The following RCBTB1 variants were observed in gnomAD, a reference collection of about 807,000 sequenced individuals.
The protein encoded by RCBTB1 is RCC1 and BTB domain containing protein 1.
Under a neutral mutation model 62.4 loss-of-function variants are expected in RCBTB1, and 46 were observed. That is an observed-to-expected ratio of 0.74 (90% CI 0.58 to 0.94). RCBTB1 has a LOEUF of 0.94. Ranked by LOEUF, RCBTB1 falls within the 40% of genes least tolerant of loss-of-function variation. RCBTB1 has a pLI of 0.00. For synonymous variants in RCBTB1, 222 were observed against 245.8 expected (o/e 0.90, Z 0.91); for missense variants, 565 against 654.9 (o/e 0.86, Z 1.50).
Position 49,537,581 on chromosome 13 carries a change from T to C in RCBTB1, c.1455+3295A>G, listed in dbSNP as rs573658009. ...GATATAAGTTGCTTAGCACACAGGA[T>C]TTCTGGAAAGTTCTCTACTCTGGTT... On this transcript the variant is annotated intron_variant, in intron 12 of 12. Transcript: ENST00000378302. 2.6e-5 allele frequency among the ~76,000 whole-genome samples: 4 copies of C among 152,352 alleles called. No individual in the cohort carries two copies. The South Asian group carries it at 8.3e-4, about 32-fold the overall frequency.
chr13:49,563,355 C>CAAAAAAAA (rs57586924), intron 4 of RCBTB1, among the ~76,000 whole-genome samples: 1 of 52,212 alleles, frequency 1.9e-5, no homozygotes, highest in Admixed American at 3.0e-4. Context: ...GACCCTGCCT[C>CAAAAAAAA]AAAAAAAAAA....
intron 7 of RCBTB1, 24 bp downstream of exon 7, chr13:49,552,154 T>A (rs1295041214): frequency 6.9e-7 from 1 of 1,456,674 alleles, no homozygotes. Context: ...GGGAAGCCAC[T>A]AACTGAGAGT....
At chr13:49,577,227 G>A (rs1963842699) in intron 2 of RCBTB1, among the ~76,000 whole-genome samples, 1 of 152,170 alleles carries the variant, frequency 6.6e-6, no homozygotes, top group South Asian at 2.1e-4. Flanking sequence ...GAGTAATGTA[G>A]CAACTAATCT....
At chr13:49,567,611 A>G (rs1478298715) in intron 2 of RCBTB1, among the ~76,000 whole-genome samples, 1 of 151,974 alleles carries the variant, frequency 6.6e-6, no homozygotes, top group African/African-American at 2.4e-5. Flanking sequence ...CTCTTCTTAG[A>G]CCTCTAAAAA....
intron 3 of RCBTB1, 109 bp downstream of exon 3, chr13:49,567,045 A>G: frequency 9.6e-7 from 1 of 1,040,606 alleles, no homozygotes; most frequent in Non-Finnish European, 1.4e-6. Context: ...CCTGAACTTC[A>G]GGATCTCTTT....
At chr13:49,565,622 CAG>C (rs1400460069) in intron 4 of RCBTB1, among the ~76,000 whole-genome samples, 7 of 141,508 alleles carry the variant, frequency 4.9e-5, no homozygotes, top group African/African-American at 8.6e-5. Flanking sequence ...CGCCTCTGCC[CAG>C]CCCCGACCCC....
chr13:49,572,016 G>A (rs188495796), intron 2 of RCBTB1, among the ~76,000 whole-genome samples: 16 of 152,006 alleles, frequency 1.1e-4, no homozygotes, highest in African/African-American at 2.2e-4. Flanking sequence ...AGAACTGTGC[G>A]GTTAACAATG....
At chr13:49,582,039 G>T (rs1452016538) in intron 1 of RCBTB1, among the ~76,000 whole-genome samples, 1 of 152,254 alleles carries the variant, frequency 6.6e-6, no homozygotes, top group Non-Finnish European at 1.5e-5. Flanking sequence ...AGAGTTGCAG[G>T]ACGTTTTCTG....
chr13:49,585,305 T>C (rs1964340591), intron 1 of RCBTB1, 139 bp downstream of exon 1: 1 of 152,118 alleles, frequency 6.6e-6, no homozygotes, highest in Admixed American at 6.5e-5. Flanking sequence ...CCGCAGGGAC[T>C]GCCCGGGAGC....
At chr13:49,568,023 TATC>T (rs1566260416) in intron 2 of RCBTB1, among the ~76,000 whole-genome samples, 1 of 152,170 alleles carries the variant, frequency 6.6e-6, no homozygotes, top group Non-Finnish European at 1.5e-5. Context: ...AAAGTCTCCT[TATC>T]ATCCCTCCCT....
intron 4 of RCBTB1, among the ~76,000 whole-genome samples, chr13:49,563,220 T>C (rs1962596473): frequency 6.7e-6 from 1 of 149,544 alleles, no homozygotes. Flanking sequence ...GGCAACATGG[T>C]GAGACCTCAT....
chr13:49,546,266 C>T (rs1178132214), intron 9 of RCBTB1: 1 of 985,256 alleles, frequency 1.0e-6, no homozygotes, highest in African/African-American at 1.7e-5. Flanking sequence ...AAGAAATCCT[C>T]CTCAAAGGGG....
Position 49,533,972 on chromosome 13 carries a change from T to C in RCBTB1, c.*150A>G. 1.4e-6 allele frequency: 1 copy of C among 706,502 alleles called. No individual in the cohort carries two copies. The highest frequency in any genetic ancestry group is 2.7e-5 in the Admixed American group (1 of 37,690). 43.8% of individuals were successfully genotyped at this position (706,502 alleles called of 1,614,324 possible). ...CAAGAAAAGCCGTACACCCTTGTTA[T>C]GTTCCTACACAAACAACTGTGTCCC... On this transcript the variant is annotated 3_prime_UTR_variant, in exon 13 of 13. Transcript: ENST00000378302.
chr13:49,567,782 A>G (rs1271904898), intron 2 of RCBTB1, among the ~76,000 whole-genome samples: 1 of 152,224 alleles, frequency 6.6e-6, no homozygotes, highest in East Asian at 1.9e-4. Context: ...GATCAGCTTC[A>G]GCCCCAGGTA....
intron 1 of RCBTB1, among the ~76,000 whole-genome samples, chr13:49,583,082 G>A (rs1964199924): frequency 1.3e-5 from 2 of 152,090 alleles, no homozygotes; most frequent in South Asian, 4.1e-4. Flanking sequence ...GAGTGGGGAG[G>A]ATCACTTGAG....
chr13:49,581,322 G>A (rs1390498850), intron 1 of RCBTB1, among the ~76,000 whole-genome samples: 1 of 152,210 alleles, frequency 6.6e-6, no homozygotes, highest in Non-Finnish European at 1.5e-5. Flanking sequence ...TTCTGCAACT[G>A]GCTGAATGGG....
At position 49,566,691 on chromosome 13, in the gene RCBTB1, T is replaced by C. The variant is rs1963040017; in HGVS notation, c.204A>G (p.Leu68=). The C allele has an allele frequency of 2.5e-6, 4 of 1,614,058 alleles. No individual in the cohort carries two copies. Among genetic ancestry groups the C allele is most frequent in the African/African-American group, 1.3e-5 (1 of 74,946 alleles). ...TAATCTTCTTTCCACATAAGCCTTC[T>C]AGCTTTTTGGGTACAAGTGTACTCT... ...DNQSTLVPKK[L]EGLCGKKIKS... is the part of the protein sequence containing the mutation. Residue 68 remains leucine (L), a synonymous_variant, in exon 4 of 13, where the codon CTA becomes CTG. Transcript: ENST00000378302.
intron 2 of RCBTB1, among the ~76,000 whole-genome samples, chr13:49,569,718 C>CAAA (rs111570905): frequency 2.4e-4 from 32 of 131,760 alleles, no homozygotes; most frequent in South Asian, 4.9e-4. Flanking sequence ...GACCCTGTCT[C>CAAA]AAAAAAAAAA....
rs1211844840 is a variant in RCBTB1 at position 49,555,580 on chromosome 13, T to C, written c.538A>G (p.Ile180Val). 4.3e-6 allele frequency: 7 copies of C among 1,613,826 alleles called. No homozygotes were observed. In the South Asian group the frequency reaches 7.7e-5, roughly 18 times the overall value. The change falls in exon 6 of 13, where the codon ATT becomes GTT. Residue 180 changes from isoleucine to valine, a missense_variant. Transcript: ENST00000378302. The stretch of plus-strand genomic sequence containing the variant: ...CAGGCAATGCCAACTACCCTCTTAA[T>C]ATGTAAACAGTTTGTAACTTTTCGA... Reference protein sequence around the residue: ...TPRKVTNCLHIKRVVGIACGQ... With the variant: ...TPRKVTNCLHVKRVVGIACGQ...
Sources: allele counts gnomAD v4.1 joint callset (sites outside exome capture counted in the v4.1 genomes callset), GRCh38; gene constraint gnomAD v4.1.1; transcripts MANE v1.5; gene names NCBI Gene and HGNC (gene_info 2026-07-23, HGNC 2026-07-21).